BTNL8: variants seen among roughly 807,000 people sequenced by gnomAD.
The protein encoded by BTNL8 is butyrophilin-like protein 8.
BTNL8 carries 22 observed loss-of-function variants against 36.1 expected under a neutral mutation model. That is an observed-to-expected ratio of 0.61 (90% CI 0.44 to 0.87). The LOEUF (loss-of-function observed/expected upper bound fraction) is 0.87, where lower values mean the gene tolerates loss of function less well. Among genes scored for constraint, BTNL8 ranks in the 40% least tolerant of loss-of-function variants. The probability of loss-of-function intolerance (pLI) is 0.00; values close to 1 mark genes in which losing one functional copy is unlikely to be tolerated. For missense variants in BTNL8, 526 were observed against 616.9 expected, an observed-to-expected ratio of 0.85 and a Z score of 1.56; for synonymous variants, 203 against 235.6, an observed-to-expected ratio of 0.86 and a Z score of 1.27.
At chr5:180,941,678 C>T (rs1459924166) in intron 3 of BTNL8, among the ~76,000 whole-genome samples, 1 of 151,956 alleles carries the variant, frequency 6.6e-6, no homozygotes, top group Admixed American at 6.6e-5. Context: ...ATCACATCAA[C>T]AGAATGAAGA....
chr5:180,909,659 T>G (rs1469567295), intron 2 of BTNL8: 2 of 896,064 alleles, frequency 2.2e-6, no homozygotes, highest in African/African-American at 3.7e-5. Flanking sequence ...ACAGGAGGAT[T>G]GCTTGAGTCC....
At chr5:180,917,426 A>G (rs1332944347) in intron 3 of BTNL8, among the ~76,000 whole-genome samples, 4 of 87,716 alleles carry the variant, frequency 4.6e-5, no homozygotes, top group Non-Finnish European at 9.0e-5. Context: ...GAAACCAAAG[A>G]CAAGGTTAGA....
intron 3 of BTNL8, among the ~76,000 whole-genome samples, chr5:180,934,879 C>T (rs2113839139): frequency 6.6e-6 from 1 of 152,294 alleles, no homozygotes; most frequent in African/African-American, 2.4e-5. Context: ...TTTTCAGTCC[C>T]ACCTTTCAGT....
At position 180,899,211 on chromosome 5, in the gene BTNL8, A is replaced by G. The variant is rs1479526668; in HGVS notation, c.-100A>G. 2.1e-6 allele frequency: 3 copies of G among 1,445,072 alleles called. No homozygotes were observed. The East Asian group carries it at 6.8e-5, about 33-fold the overall frequency. 89.5% of individuals were successfully genotyped at this position (1,445,072 alleles called of 1,614,324 possible). On this transcript the variant is annotated 5_prime_UTR_variant, in exon 1 of 8. Coordinates refer to ENST00000340184, the MANE Select transcript of BTNL8 (RefSeq NM_001040462.3). Reference sequence around the variant, plus strand: ...CGCAGAGCCTCTCCGTGGCTTCCGCACCTTGAGCATTAGGCCAGTTCTCCT... The same window carrying G: ...CGCAGAGCCTCTCCGTGGCTTCCGCGCCTTGAGCATTAGGCCAGTTCTCCT...
At chr5:180,923,221 A>G (rs1378749307) in intron 3 of BTNL8, among the ~76,000 whole-genome samples, 1 of 152,198 alleles carries the variant, frequency 6.6e-6, no homozygotes, top group Non-Finnish European at 1.5e-5. Context: ...TTTCAGAAAC[A>G]TAAATGTAAA....
intron 3 of BTNL8, among the ~76,000 whole-genome samples, chr5:180,933,006 A>C (rs200578421): frequency 1.1e-4 from 3 of 26,470 alleles, no homozygotes; most frequent in Non-Finnish European, 2.0e-4. Context: ...AATAAAAACC[A>C]AAAAAAAAAA....
rs1335770489 is a variant in BTNL8, at chr5:180,911,592, G to A, written c.651G>A (p.Val217=). The change falls in exon 3 of 8, where the codon GTG becomes GTA. Residue 217 remains valine, a synonymous_variant. Transcript: ENST00000340184. Reference sequence around the variant, plus strand: ...GGCATGCTCATCTGAGCCGAGAGGTGGAATCCAGGGTACAGATAGGAGGTG... The same window carrying A: ...GGCATGCTCATCTGAGCCGAGAGGTAGAATCCAGGGTACAGATAGGAGGTG... ...SMRHAHLSRE[V]ESRVQIGDTF... The A allele has an allele frequency of 6.2e-7, 1 of 1,613,310 alleles. No homozygotes were observed. Among genetic ancestry groups the A allele is most frequent in the Non-Finnish European group, 8.5e-7 (1 of 1,179,494 alleles).
intron 1 of BTNL8, among the ~76,000 whole-genome samples, chr5:180,907,857 G>T (rs1270610707): frequency 6.6e-6 from 1 of 151,044 alleles, no homozygotes; most frequent in Non-Finnish European, 1.5e-5. Context: ...GGACTCACTT[G>T]AGGAGGCAGT....
chr5:180,912,424 GATGTATAT>G (rs1169108426), intron 3 of BTNL8, among the ~76,000 whole-genome samples: 1 of 110,166 alleles, frequency 9.1e-6, no homozygotes, highest in Non-Finnish European at 1.8e-5. Context: ...GAAACAACAG[GATGTATAT>G]ATATATATAT....
chr5:180,941,956 A>T (rs1242800426), intron 3 of BTNL8, among the ~76,000 whole-genome samples: 1 of 131,324 alleles, frequency 7.6e-6, no homozygotes, highest in African/African-American at 3.1e-5. Context: ...GCAATCAGGC[A>T]AGAGCAAAAA....
In BTNL8 at chr5:180,902,117, T is replaced by A. The variant is rs1024718560; in HGVS notation, c.49+2758T>A. On this transcript the variant is annotated intron_variant, in intron 1 of 7. Transcript: ENST00000340184. Reference sequence around the variant, plus strand: ...AAACTGGAGACTTTATGGCCCATACTCTTCTCTGGGCCATTAGAAAGACGT... The same window carrying A: ...AAACTGGAGACTTTATGGCCCATACACTTCTCTGGGCCATTAGAAAGACGT... Among the ~76,000 whole-genome samples the A allele has an allele frequency of 2.6e-5, 4 of 152,220 alleles. No individual in the cohort carries two copies. The South Asian group carries it at 6.2e-4, about 24-fold the overall frequency.
chr5:180,906,649 A>G (rs1402108390), intron 1 of BTNL8, among the ~76,000 whole-genome samples: 3 of 118,568 alleles, frequency 2.5e-5, no homozygotes, highest in Non-Finnish European at 5.0e-5. Context: ...ATGATTTTGC[A>G]GTGGCTGGTA....
intron 3 of BTNL8, among the ~76,000 whole-genome samples, chr5:180,928,042 C>G (rs971666325): frequency 6.6e-6 from 1 of 152,186 alleles, no homozygotes; most frequent in Admixed American, 6.5e-5. Context: ...TCAGATTCAC[C>G]AAGGTTGAAA....
intron 5 of BTNL8, 165 bp downstream of exon 5, chr5:180,948,540 C>G (rs1297373296): frequency 1.9e-6 from 3 of 1,593,472 alleles, no homozygotes; most frequent in Admixed American, 3.4e-5. Context: ...TCATGAGTTA[C>G]CCCTCGGACA....
intron 3 of BTNL8, among the ~76,000 whole-genome samples, chr5:180,916,515 G>A (rs1757634242): frequency 1.3e-5 from 2 of 151,852 alleles, no homozygotes; most frequent in South Asian, 4.1e-4. Flanking sequence ...ACAATAAAAA[G>A]ATCAATAAAA....
At position 180,911,580 on chromosome 5, in the gene BTNL8, G is replaced by A; in HGVS notation, c.639G>A (p.Leu213=). The A allele has an allele frequency of 6.2e-7, 1 of 1,613,832 alleles. No homozygotes were observed. Among genetic ancestry groups the A allele is most frequent in the Non-Finnish European group, 8.5e-7 (1 of 1,179,804 alleles). The change falls in exon 3 of 8, where the codon CTG becomes CTA. Residue 213 remains leucine, a synonymous_variant. Coordinates refer to ENST00000340184, the MANE Select transcript of BTNL8 (RefSeq NM_001040462.3). ...SISCSMRHAH[L]SREVESRVQI... ...CCTGTTCCATGCGGCATGCTCATCTGAGCCGAGAGGTGGAATCCAGGGTAC... is the reference window on the plus strand; with the variant it reads ...CCTGTTCCATGCGGCATGCTCATCTAAGCCGAGAGGTGGAATCCAGGGTAC...
intron 3 of BTNL8, among the ~76,000 whole-genome samples, chr5:180,922,654 A>C (rs2113809519): frequency 6.6e-6 from 1 of 151,328 alleles, no homozygotes; most frequent in African/African-American, 2.4e-5. Flanking sequence ...AGTGATAAGA[A>C]GAATGTATAT....
chr5:180,919,117 T>G (rs1007833924), intron 3 of BTNL8, among the ~76,000 whole-genome samples: 1 of 152,170 alleles, frequency 6.6e-6, no homozygotes, highest in African/African-American at 2.4e-5. Flanking sequence ...GAAATATGCT[T>G]TGGGGTAAAA....
intron 1 of BTNL8, among the ~76,000 whole-genome samples, chr5:180,899,738 A>G (rs1281601375): frequency 1.3e-5 from 2 of 152,250 alleles, no homozygotes; most frequent in Non-Finnish European, 2.9e-5. Flanking sequence ...ATCCAGCTAA[A>G]GACATGCTGA....
Sources: gnomAD v4.1 joint callset for allele counts (sites outside exome capture counted in the v4.1 genomes callset) on GRCh38, gnomAD v4.1.1 for gene constraint, MANE v1.5 for transcripts, NCBI Gene and HGNC (gene_info 2026-07-23, HGNC 2026-07-21) for gene names.